The following EGFLAM variants were observed in gnomAD, a reference collection of about 807,000 sequenced individuals.
EGFLAM encodes the protein pikachurin.
Under a neutral mutation model 113.1 loss-of-function variants are expected in EGFLAM, and 79 were observed. The ratio of observed to expected loss-of-function variants is 0.70; its 90% CI spans 0.58 to 0.84. The LOEUF (loss-of-function observed/expected upper bound fraction) is 0.84, where lower values mean the gene tolerates loss of function less well. EGFLAM is among the 40% of genes least tolerant of loss of function. The pLI, the probability that EGFLAM is intolerant of heterozygous loss-of-function variation, is 0.00. For missense variants in EGFLAM, 1,265 were observed against 1,291.6 expected (o/e 0.98, Z 0.32); for synonymous variants, 504 against 487.6 (o/e 1.03, Z -0.44).
chr5:38,397,026 C>T (rs544908424), intron 6 of EGFLAM, among the ~76,000 whole-genome samples: 2 of 152,170 alleles, frequency 1.3e-5, no homozygotes, highest in African/African-American at 4.8e-5. Flanking sequence ...GCACCATTTG[C>T]GCTTCTGCTG....
intron 17 of EGFLAM, among the ~76,000 whole-genome samples, chr5:38,439,592 T>C (rs571147631): frequency 1.3e-5 from 2 of 152,338 alleles, no homozygotes; most frequent in South Asian, 4.1e-4. Flanking sequence ...ATATGAAAGA[T>C]GCCAATTTGC....
At chr5:38,417,177 C>T (rs974144775) in intron 11 of EGFLAM, among the ~76,000 whole-genome samples, 4 of 151,828 alleles carry the variant, frequency 2.6e-5, no homozygotes, top group African/African-American at 7.3e-5. Flanking sequence ...CGTGGTGAAA[C>T]CTCGTTTCTA....
intron 6 of EGFLAM, among the ~76,000 whole-genome samples, chr5:38,386,009 C>T (rs1457337470): frequency 6.6e-6 from 1 of 152,116 alleles, no homozygotes; most frequent in Non-Finnish European, 1.5e-5. Context: ...CAAATGTAAG[C>T]AGTGGTAAGT....
At position 38,462,958 on chromosome 5, in the gene EGFLAM, G is replaced by T; in HGVS notation, c.2822G>T (p.Gly941Val). 1.2e-6 allele frequency: 2 copies of T among 1,614,150 alleles called. No individual in the cohort carries two copies. The highest frequency in any genetic ancestry group is 8.5e-7 in the Non-Finnish European group (1 of 1,180,012). The change falls in exon 21 of 22, where the codon GGC becomes GTC. Residue 941 changes from glycine to valine, a missense_variant. Gly to Val is a moderately radical substitution (Grantham distance 109, BLOSUM62 -3). Transcript: ENST00000322350. The part of the protein sequence containing the change: ...ITVDDYGART[G>V]KSPGMMRQLN... ...GTGGATGACTATGGAGCCAGAACAGGCAAATCCCCAGGCATGATGCGGCAG... is the reference window on the plus strand; with the variant it reads ...GTGGATGACTATGGAGCCAGAACAGTCAAATCCCCAGGCATGATGCGGCAG...
intron 1 of EGFLAM, among the ~76,000 whole-genome samples, chr5:38,260,688 A>G (rs935899931): frequency 5.3e-5 from 8 of 152,176 alleles, no homozygotes; most frequent in Non-Finnish European, 8.8e-5. Flanking sequence ...TTTTATTTTT[A>G]TTACTTTATA....
intron 6 of EGFLAM, among the ~76,000 whole-genome samples, chr5:38,378,294 C>T (rs1227730488): frequency 3.3e-5 from 5 of 152,126 alleles, no homozygotes; most frequent in African/African-American, 1.2e-4. Flanking sequence ...GTGAGTCTGG[C>T]TTTTGCCCAG....
intron 3 of EGFLAM, among the ~76,000 whole-genome samples, chr5:38,348,252 G>A (rs924430656): frequency 3.9e-5 from 6 of 152,082 alleles, no homozygotes; most frequent in African/African-American, 7.2e-5. Context: ...GCAGAGTCAC[G>A]AGGTGTCACC....
At chr5:38,408,510 A>G (rs189013580) in intron 9 of EGFLAM, among the ~76,000 whole-genome samples, 10 of 152,356 alleles carry the variant, frequency 6.6e-5, no homozygotes, top group Admixed American at 6.5e-4. Context: ...TGAGTCTTCA[A>G]GAAATGACCT....
chr5:38,330,197 G>A, intron 1 of EGFLAM, among the ~76,000 whole-genome samples: 1 of 152,036 alleles, frequency 6.6e-6, no homozygotes. Context: ...AGACTATCTT[G>A]TAGCCAATAT....
intron 6 of EGFLAM, among the ~76,000 whole-genome samples, chr5:38,388,895 A>G (rs1740736334): frequency 6.7e-6 from 1 of 149,936 alleles, no homozygotes; most frequent in African/African-American, 2.5e-5. Flanking sequence ...AGTGTGGGTG[A>G]CAGAGCAAGA....
intron 1 of EGFLAM, among the ~76,000 whole-genome samples, chr5:38,267,092 C>T (rs185231407): frequency 9.2e-5 from 14 of 152,256 alleles, no homozygotes; most frequent in African/African-American, 2.9e-4. Flanking sequence ...CCAACCACAC[C>T]GAGCAAGGAT....
chr5:38,347,386 C>T (rs902958823), intron 3 of EGFLAM, among the ~76,000 whole-genome samples: 1 of 152,034 alleles, frequency 6.6e-6, no homozygotes, highest in Non-Finnish European at 1.5e-5. Context: ...TGGGTGGGGA[C>T]AAGGTGACAA....
At chr5:38,456,770 T>A (rs1343780212) in intron 19 of EGFLAM, among the ~76,000 whole-genome samples, 2 of 152,172 alleles carry the variant, frequency 1.3e-5, no homozygotes, top group Non-Finnish European at 2.9e-5. Flanking sequence ...TCTCTCGACA[T>A]CCCTCTCTCT....
chr5:38,448,166 G>A (rs1742780954), intron 17 of EGFLAM, 135 bp from the exon 18 acceptor site: 1 of 946,736 alleles, frequency 1.1e-6, no homozygotes, highest in Non-Finnish European at 1.6e-6. Context: ...AAATATGCGT[G>A]CAGCCGAAGG....
intron 16 of EGFLAM, among the ~76,000 whole-genome samples, chr5:38,435,879 G>A (rs1408455755): frequency 6.2e-5 from 9 of 144,416 alleles, no homozygotes; most frequent in South Asian, 2.2e-4. Flanking sequence ...GCGCAGTGGC[G>A]TGATCTCGGC....
intron 1 of EGFLAM, among the ~76,000 whole-genome samples, chr5:38,272,187 A>G (rs1757780670): frequency 6.6e-6 from 1 of 152,218 alleles, no homozygotes. Flanking sequence ...GTGCTGTGAA[A>G]TATGTCATGT....
chr5:38,437,529 G>C (rs900080642), intron 16 of EGFLAM, among the ~76,000 whole-genome samples: 1 of 152,084 alleles, frequency 6.6e-6, no homozygotes, highest in South Asian at 2.1e-4. Context: ...CCCAGCCTGG[G>C]CTGCATCTTC....
At chr5:38,354,975 T>G (rs1033932800) in intron 5 of EGFLAM, among the ~76,000 whole-genome samples, 1 of 152,140 alleles carries the variant, frequency 6.6e-6, no homozygotes, top group Non-Finnish European at 1.5e-5. Flanking sequence ...CCTTCTCTAT[T>G]GGCAGCCGTG....
At chr5:38,334,171 G>C (rs1283990297) in intron 1 of EGFLAM, among the ~76,000 whole-genome samples, 1 of 152,118 alleles carries the variant, frequency 6.6e-6, no homozygotes, top group African/African-American at 2.4e-5. Flanking sequence ...TGATCCACCT[G>C]CCTTGACCTC....
Sources: gnomAD v4.1 joint callset for allele counts (sites outside exome capture counted in the v4.1 genomes callset) on GRCh38, gnomAD v4.1.1 for gene constraint, MANE v1.5 for transcripts, NCBI Gene and HGNC (gene_info 2026-07-23, HGNC 2026-07-21) for gene names.